RANBP2: variants seen among roughly 807,000 people sequenced by gnomAD.
The protein encoded by RANBP2 is RAN binding protein 2.
In RANBP2, 57 loss-of-function variants were observed where a neutral mutation model predicts 303.6. The ratio of observed to expected loss-of-function variants is 0.19; its 90% CI spans 0.15 to 0.23. The LOEUF (loss-of-function observed/expected upper bound fraction) is 0.23. Among genes scored for constraint, RANBP2 ranks in the 10% least tolerant of loss-of-function variants. The pLI is 1.00. For missense variants in RANBP2, 3,138 were observed against 3,780.8 expected (o/e 0.83, Z 4.46); for synonymous variants, 1,167 against 1,301.5 (o/e 0.90, Z 2.23).
chr2:108,759,472 G>GGTA (rs914984985), intron 18 of RANBP2, among the ~76,000 whole-genome samples: 11 of 152,044 alleles, frequency 7.2e-5, no homozygotes, highest in African/African-American at 9.7e-5. Flanking sequence ...CTTCTGAAAT[G>GGTA]GTAGTAGTAG....
chr2:109,362,248 T>C, the RANBP2 span, among the ~76,000 whole-genome samples: 1 of 152,242 alleles, frequency 6.6e-6, no homozygotes, highest in Non-Finnish European at 1.5e-5. Flanking sequence ...CTCACAAATG[T>C]TGGTAAATTA....
At position 108,743,493 on chromosome 2, in the gene RANBP2, A is replaced by G. The variant is rs1026541261; in HGVS notation, c.975+2812A>G. ...TCTTGCTATGTTTCCCAGGCTGGTT[A>G]GTCTTGAACTCCTGGCTTCAAGTGA... On this transcript the variant is annotated intron_variant, in intron 7 of 28. Coordinates refer to ENST00000283195, the MANE Select transcript of RANBP2 (RefSeq NM_006267.5). 1.2e-4 allele frequency among the ~76,000 whole-genome samples: 18 copies of G among 152,132 alleles called. No homozygotes were observed. In the East Asian group the frequency reaches 1.7e-3, roughly 15 times the overall value.
At chr2:109,182,692 T>C in the RANBP2 span, among the ~76,000 whole-genome samples, 1 of 152,250 alleles carries the variant, frequency 6.6e-6, no homozygotes, top group Non-Finnish European at 1.5e-5. Flanking sequence ...GCTAGGCTGG[T>C]ATTTCCTTGA....
the RANBP2 span, among the ~76,000 whole-genome samples, chr2:109,009,702 CTTTTTT>C: frequency 8.1e-6 from 1 of 123,126 alleles, no homozygotes; most frequent in Non-Finnish European, 1.7e-5. Flanking sequence ...ACATTTTTAC[CTTTTTT>C]TTGTTTTTTT....
At chr2:109,417,227 TCTC>T in the RANBP2 span, among the ~76,000 whole-genome samples, 1 of 152,122 alleles carries the variant, frequency 6.6e-6, no homozygotes, top group Non-Finnish European at 1.5e-5. Flanking sequence ...GGTGACAGCT[TCTC>T]CTTCTCCCTC....
the RANBP2 span, among the ~76,000 whole-genome samples, chr2:109,247,374 C>T: frequency 6.6e-6 from 1 of 152,188 alleles, no homozygotes; most frequent in Non-Finnish European, 1.5e-5. Flanking sequence ...AGTTTACTTC[C>T]TAAGTAACCT....
the RANBP2 span, among the ~76,000 whole-genome samples, chr2:109,150,824 T>TA: frequency 1.3e-5 from 2 of 151,308 alleles, no homozygotes; most frequent in African/African-American, 4.9e-5. Context: ...GGGGAGAAAT[T>TA]AAAAAAAAAG....
chr2:109,000,879 G>A, the RANBP2 span, among the ~76,000 whole-genome samples: 1 of 152,124 alleles, frequency 6.6e-6, no homozygotes, highest in Admixed American at 6.5e-5. Context: ...GTCAGGAGCA[G>A]AGCCAGGACT....
chr2:109,576,722 T>G, the RANBP2 span, among the ~76,000 whole-genome samples: 3 of 152,216 alleles, frequency 2.0e-5, no homozygotes, highest in Non-Finnish European at 1.5e-5. Context: ...TCTTATGCTA[T>G]TCAAGCATGA....
Position 108,740,828 on chromosome 2 carries a change from A to G in RANBP2, c.975+147A>G. ...AGTCAATTTGATACAGTGGAAAATA[A>G]CTAAGCATACACAATACTGGTGAGG... is the stretch of plus-strand genomic sequence containing the variant. On this transcript the variant is annotated intron_variant, in intron 7 of 28. Transcript: ENST00000283195. The G allele has an allele frequency of 2.2e-6, 3 of 1,370,366 alleles. No homozygotes were observed. In the Admixed American group the frequency reaches 5.6e-5, roughly 26 times the overall value. 84.9% of individuals were successfully genotyped at this position (1,370,366 alleles called of 1,614,324 possible).
chr2:109,353,212 T>C, the RANBP2 span, among the ~76,000 whole-genome samples: 1 of 152,216 alleles, frequency 6.6e-6, no homozygotes, highest in East Asian at 1.9e-4. Flanking sequence ...GGCCCCCGGC[T>C]CATTGCCTGC....
chr2:109,626,611 G>A, the RANBP2 span, among the ~76,000 whole-genome samples: 11 of 152,324 alleles, frequency 7.2e-5, no homozygotes, highest in African/African-American at 2.6e-4. Flanking sequence ...GAGTTAATGG[G>A]GAGGTAAGGC....
chr2:109,415,157 C>A, the RANBP2 span, among the ~76,000 whole-genome samples: 1 of 152,090 alleles, frequency 6.6e-6, no homozygotes, highest in East Asian at 1.9e-4. Flanking sequence ...GAATTGGAGT[C>A]TCCTCCAGAC....
Position 108,766,762 on chromosome 2 carries a change from A to T in RANBP2, c.6223A>T (p.Met2075Leu). 6.2e-7 allele frequency: 1 copy of T among 1,612,064 alleles called. No individual in the cohort carries two copies. Among genetic ancestry groups the T allele is most frequent in the Non-Finnish European group, 8.5e-7 (1 of 1,179,860 alleles). Residue 2075 changes from methionine (M) to leucine (L), a missense_variant, in exon 20 of 29, where the codon ATG becomes TTG. Physicochemically the swap from Met to Leu is conservative, Grantham distance 15. Transcript: ENST00000283195. ...GGTCAATGGCAAACTAAGAATGCTG[A>T]TGCGAAGAGAACAAGTACTAAAAGT... ...NEVNGKLRML[M>L]RREQVLKVCA...
the RANBP2 span, among the ~76,000 whole-genome samples, chr2:108,932,384 C>T: frequency 6.6e-6 from 1 of 151,678 alleles, no homozygotes; most frequent in African/African-American, 2.4e-5. Flanking sequence ...AAAAAATTAC[C>T]CGGGCATGGT....
At chr2:108,906,280 C>T in the RANBP2 span, 1 of 1,605,164 alleles carries the variant, frequency 6.2e-7, no homozygotes, top group East Asian at 2.2e-5. Context: ...GTGGGCACCA[C>T]CTCTCCCAGG....
intron 15 of RANBP2, among the ~76,000 whole-genome samples, 168 bp from the exon 16 acceptor site, chr2:108,754,737 G>C (rs1676163350): frequency 6.7e-6 from 1 of 149,550 alleles, no homozygotes; most frequent in African/African-American, 2.5e-5. Context: ...CAAAACAACA[G>C]AAAAAGAAAA....
the RANBP2 span, chr2:109,129,803 C>A: frequency 6.5e-7 from 1 of 1,538,654 alleles, no homozygotes. Context: ...ATCGTGTGCT[C>A]GCGCCACGAG....
chr2:108,939,143 T>A, the RANBP2 span, among the ~76,000 whole-genome samples: 2 of 152,098 alleles, frequency 1.3e-5, no homozygotes, highest in Non-Finnish European at 2.9e-5. Flanking sequence ...GAGCCACTCT[T>A]CAGCACTTTA....
Sources: allele counts gnomAD v4.1 joint callset (sites outside exome capture counted in the v4.1 genomes callset), GRCh38; gene constraint gnomAD v4.1.1; transcripts MANE v1.5; gene names NCBI Gene and HGNC (gene_info 2026-07-23, HGNC 2026-07-21).